Variants in CSMD1 observed in about 807,000 individuals in gnomAD.
The protein encoded by CSMD1 is CUB and sushi domain-containing protein 1.
CSMD1 carries 213 observed loss-of-function variants against 417.5 expected under a neutral mutation model. The ratio of observed to expected loss-of-function variants is 0.51; its 90% confidence interval spans 0.46 to 0.57. The LOEUF (loss-of-function observed/expected upper bound fraction) is 0.57. CSMD1 is among the 20% of genes least tolerant of loss of function. The probability of loss-of-function intolerance (pLI) is 0.00; values close to 1 mark genes in which losing one functional copy is unlikely to be tolerated. For synonymous variants in CSMD1, 2,862 were observed against 1,736.8 expected (o/e 1.65, Z -16.11); for missense variants, 6,923 against 4,529.7 (o/e 1.53, Z -15.17).
At chr8:4,961,606 C>A (rs945490602) in intron 1 of CSMD1, among the ~76,000 whole-genome samples, 3 of 152,074 alleles carry the variant, frequency 2.0e-5, no homozygotes, top group Non-Finnish European at 4.4e-5. Context: ...AAATTCTGTG[C>A]CGTTTTGTCG....
chr8:4,578,539 G>T (rs1255128629), intron 2 of CSMD1, among the ~76,000 whole-genome samples: 1 of 151,362 alleles, frequency 6.6e-6, no homozygotes, highest in African/African-American at 2.4e-5. Context: ...ATCTTTGGCT[G>T]GGTGCAATGC....
intron 11 of CSMD1, among the ~76,000 whole-genome samples, chr8:3,490,322 T>A (rs886506310): frequency 6.6e-6 from 1 of 152,228 alleles, no homozygotes; most frequent in Non-Finnish European, 1.5e-5. Context: ...TCTGTCAATG[T>A]AATACATAGT....
At chr8:4,735,130 A>G (rs1266001374) in intron 1 of CSMD1, among the ~76,000 whole-genome samples, 3 of 152,206 alleles carry the variant, frequency 2.0e-5, no homozygotes, top group Non-Finnish European at 2.9e-5. Context: ...TGGAGCTGGT[A>G]TTCAGGATCT....
intron 3 of CSMD1, among the ~76,000 whole-genome samples, chr8:4,377,242 G>T (rs559915064): frequency 2.0e-5 from 3 of 152,280 alleles, no homozygotes; most frequent in African/African-American, 7.2e-5. Flanking sequence ...ACCGAGATTA[G>T]TAATTAAACA....
At position 3,845,012 on chromosome 8, in the gene CSMD1, G is replaced by C. The variant is rs866109652; in HGVS notation, c.819-90970C>G. Among the ~76,000 whole-genome samples, 80 of 152,214 alleles carry C rather than the reference G, an allele frequency of 5.3e-4. 1 individual carries two copies. The highest frequency in any genetic ancestry group is 1.9e-3 in the African/African-American group (79 of 41,520). On this transcript the variant is annotated intron_variant, in intron 5 of 69. Transcript: ENST00000635120. ...GCACAAACTTTAAAAGTTAACAAAG[G>C]TTATTGATGTATAATTTTATAACAC...
At chr8:3,575,613 G>C (rs924446849) in intron 9 of CSMD1, among the ~76,000 whole-genome samples, 2 of 152,082 alleles carry the variant, frequency 1.3e-5, no homozygotes, top group African/African-American at 4.8e-5. Flanking sequence ...TCGAGCTTTA[G>C]ATTCTATTCT....
rs1484932746 is a variant in CSMD1 at position 3,102,570 on chromosome 8, G to C, written c.6949+3958C>G. On this transcript the variant is annotated intron_variant, in intron 46 of 69. Coordinates refer to ENST00000635120, the MANE Select transcript of CSMD1 (RefSeq NM_033225.6). ...TTTAGACATGTGCCACTTAAAGATG[G>C]GGACAGGCTGGGAGAAATGCATCTT... Among the ~76,000 whole-genome samples, 3 of 152,132 alleles carry C rather than the reference G, an allele frequency of 2.0e-5. 1 individual carries two copies. Among genetic ancestry groups the C allele is most frequent in the African/African-American group, 7.2e-5 (3 of 41,422 alleles).
intron 1 of CSMD1, among the ~76,000 whole-genome samples, chr8:4,971,224 C>T (rs936266135): frequency 4.6e-5 from 7 of 151,922 alleles, no homozygotes; most frequent in African/African-American, 1.7e-4. Flanking sequence ...ATATCCAGTA[C>T]CTTTAAGTTG....
intron 2 of CSMD1, among the ~76,000 whole-genome samples, chr8:4,452,748 T>A (rs1034547881): frequency 6.6e-6 from 1 of 152,270 alleles, no homozygotes; most frequent in African/African-American, 2.4e-5. Flanking sequence ...TTATTCATCT[T>A]TCAACATATC....
chr8:3,739,324 T>C (rs1401841704), intron 6 of CSMD1, among the ~76,000 whole-genome samples: 2 of 152,196 alleles, frequency 1.3e-5, no homozygotes, highest in African/African-American at 2.4e-5. Context: ...GATGAATCTG[T>C]TCTAGTGTTC....
intron 23 of CSMD1, among the ~76,000 whole-genome samples, chr8:3,325,979 A>C (rs114646574): frequency 1.1e-3 from 167 of 152,352 alleles, no homozygotes; most frequent in African/African-American, 3.9e-3. Flanking sequence ...GAAATTATTC[A>C]AATCAATGGA....
At chr8:4,039,684 G>T (rs893650580) in intron 3 of CSMD1, among the ~76,000 whole-genome samples, 4 of 152,190 alleles carry the variant, frequency 2.6e-5, no homozygotes, top group African/African-American at 9.7e-5. Flanking sequence ...CAATGAGGAA[G>T]TGAGCTGTAA....
chr8:3,729,941 AAAAAAAAAAAAAAAAAAAAAC>A (rs753083140), intron 6 of CSMD1, among the ~76,000 whole-genome samples: 23,972 of 56,200 alleles, frequency 0.43, 5,291 homozygotes, highest in Non-Finnish European at 0.59. Flanking sequence ...AAAAAAAAAA[AAAAAAAAAAAAAAAAAAAAAC>A]AAAAACAGAA....
intron 3 of CSMD1, among the ~76,000 whole-genome samples, chr8:4,207,174 T>C (rs1800028535): frequency 6.6e-6 from 1 of 152,150 alleles, no homozygotes; most frequent in Non-Finnish European, 1.5e-5. Context: ...GTAATAAGTA[T>C]AAGATTACAA....
intron 8 of CSMD1, among the ~76,000 whole-genome samples, chr8:3,597,640 G>A (rs551364374): frequency 3.0e-4 from 46 of 152,244 alleles, no homozygotes; most frequent in African/African-American, 9.9e-4. Context: ...TATACACCAT[G>A]GAATACTATG....
chr8:3,260,022 T>C (rs540961000), intron 26 of CSMD1, among the ~76,000 whole-genome samples: 2 of 152,312 alleles, frequency 1.3e-5, no homozygotes, highest in East Asian at 3.9e-4. Flanking sequence ...TCTCTGACTC[T>C]TCAGGGAAAA....
chr8:4,318,899 G>C (rs959300218), intron 3 of CSMD1, among the ~76,000 whole-genome samples: 17 of 152,122 alleles, frequency 1.1e-4, no homozygotes, highest in Admixed American at 3.3e-4. Flanking sequence ...CGTACTTTCT[G>C]AAACTTTAGT....
chr8:3,866,390 C>T (rs191902674), intron 5 of CSMD1, among the ~76,000 whole-genome samples: 2 of 152,304 alleles, frequency 1.3e-5, no homozygotes, highest in East Asian at 1.9e-4. Flanking sequence ...TTTACCATTG[C>T]TTAGCTCATA....
At chr8:3,228,454 G>A (rs927103310) in intron 27 of CSMD1, among the ~76,000 whole-genome samples, 1 of 152,078 alleles carries the variant, frequency 6.6e-6, no homozygotes, top group Non-Finnish European at 1.5e-5. Flanking sequence ...ACGCATGTAG[G>A]CGGGTCTGGT....
Sources: gnomAD v4.1 joint callset for allele counts (sites outside exome capture counted in the v4.1 genomes callset) on GRCh38, gnomAD v4.1.1 for gene constraint, MANE v1.5 for transcripts, NCBI Gene and HGNC (gene_info 2026-07-23, HGNC 2026-07-21) for gene names.